Variants in PLCE1 observed in about 807,000 individuals in gnomAD.
PLCE1 encodes phospholipase C epsilon 1.
PLCE1 carries 119 observed loss-of-function variants against 242.8 expected under a neutral mutation model. The observed-to-expected ratio is 0.49, with a 90% CI of 0.42 to 0.57. The LOEUF is 0.57. Among genes scored for constraint, PLCE1 ranks in the 20% least tolerant of loss-of-function variants. The pLI is 0.00. For missense variants in PLCE1, 2,441 were observed against 2,788.8 expected (o/e 0.88, Z 2.81); for synonymous variants, 945 against 1,017.4 (o/e 0.93, Z 1.35).
At chr10:94,299,126 GGTCAGTGCC>G (rs2133545599) in intron 24 of PLCE1, among the ~76,000 whole-genome samples, 1 of 152,280 alleles carries the variant, frequency 6.6e-6, no homozygotes, top group African/African-American at 2.4e-5. Flanking sequence ...GGAGAATAAT[GGTCAGTGCC>G]CGAAGAGTAG....
Position 94,313,297 on chromosome 10 carries a change from T to A in PLCE1, c.6047T>A (p.Val2016Asp). The change falls in exon 28 of 33, where the codon GTC (valine) becomes GAC (aspartate). Residue 2016 changes from valine (V) to aspartate (D), a missense_variant. By Grantham distance (152) the Val-to-Asp change is radical. This residue lies in a region of PLCE1 where 1,004 missense variants were observed against 1,322.7 expected (regional missense o/e 0.76). Transcript: ENST00000371380. The stretch of plus-strand genomic sequence containing the variant: ...AGAAAATGTTTGCAGACTCACAGAG[T>A]CACGGTGCATGGGGTCCCAGGGCCA... ...EERKCLQTHR[V>D]TVHGVPGPEP... 6.2e-7 allele frequency: 1 copy of A among 1,614,108 alleles called. No individual in the cohort carries two copies. Among genetic ancestry groups the A allele is most frequent in the Non-Finnish European group, 8.5e-7 (1 of 1,179,978 alleles).
At position 94,246,617 on chromosome 10, in the gene PLCE1, A is replaced by T; in HGVS notation, c.3092A>T (p.Tyr1031Phe). ...QWLRKQYVSLYQEDGRYEGPT... is the reference protein window; with the variant it reads ...QWLRKQYVSLFQEDGRYEGPT... ...CTGCGGAAACAGTACGTCAGCCTTT[A>T]TCAGGTAAGGGGTGCAGCCATCCCT... Residue 1031 changes from tyrosine to phenylalanine, a missense_variant, in exon 8 of 33, where the codon TAT becomes TTT. This residue lies in a region of PLCE1 where 1,004 missense variants were observed against 1,322.7 expected (regional missense o/e 0.76). Transcript: ENST00000371380. The T allele has an allele frequency of 6.2e-7, 1 of 1,613,606 alleles. No homozygotes were observed. The highest frequency in any genetic ancestry group is 8.5e-7 in the Non-Finnish European group (1 of 1,179,804).
intron 2 of PLCE1, among the ~76,000 whole-genome samples, chr10:94,071,832 C>T (rs1271839317): frequency 1.3e-5 from 2 of 152,038 alleles, no homozygotes; most frequent in Non-Finnish European, 2.9e-5. Context: ...GCTCCCCTCC[C>T]CCTCTATTTG....
chr10:94,280,044 G>C, intron 20 of PLCE1, 133 bp downstream of exon 20: 2 of 938,862 alleles, frequency 2.1e-6, no homozygotes, highest in South Asian at 1.4e-5. Flanking sequence ...AGGAGTTTCT[G>C]AATTCAGTCA....
intron 2 of PLCE1, among the ~76,000 whole-genome samples, chr10:94,067,471 GC>G (rs2135055052): frequency 6.6e-6 from 1 of 152,232 alleles, no homozygotes; most frequent in South Asian, 2.1e-4. Flanking sequence ...CTTGTTAAAA[GC>G]CAGAGTTTTT....
At chr10:94,074,047 A>T (rs2044433058) in intron 2 of PLCE1, among the ~76,000 whole-genome samples, 1 of 152,140 alleles carries the variant, frequency 6.6e-6, no homozygotes, top group South Asian at 2.1e-4. Context: ...GACAAATACA[A>T]GTTTCAAGTG....
intron 3 of PLCE1, among the ~76,000 whole-genome samples, chr10:94,165,729 A>G (rs1415317550): frequency 6.6e-6 from 1 of 150,522 alleles, no homozygotes; most frequent in African/African-American, 2.5e-5. Context: ...TTTTTTTGAG[A>G]CGGTGTCTTG....
chr10:94,141,614 GAA>G lies in PLCE1; in HGVS notation c.1492+9157_1492+9158del. On this transcript the variant is annotated intron_variant, in intron 3 of 32. Coordinates refer to ENST00000371380, the MANE Select transcript of PLCE1 (RefSeq NM_016341.4). ...GGCTAAGGGAAGGCAAAGGGAAGGA[GAA>G]AGGAAGGCAGAAGGAGGAAAGAAAG... 4.2e-3 allele frequency among the ~76,000 whole-genome samples: 5 copies of G among 1,178 alleles called. 1 individual carries two copies. The East Asian group carries it at 0.054, about 13-fold the overall frequency. The allele number at this position is 1,178 out of a possible 152,430, so 0.8% of individuals were successfully genotyped here. A position where few individuals can be genotyped will look rare whatever the true frequency, so the allele number is the denominator to read the frequency against.
chr10:94,177,914 T>C (rs2048175174), intron 4 of PLCE1, among the ~76,000 whole-genome samples: 1 of 152,200 alleles, frequency 6.6e-6, no homozygotes, highest in Non-Finnish European at 1.5e-5. Flanking sequence ...CCCTCTTTCC[T>C]GAGAAGCACT....
chr10:94,055,055 T>G (rs2043866877), intron 2 of PLCE1, among the ~76,000 whole-genome samples: 1 of 143,344 alleles, frequency 7.0e-6, no homozygotes, highest in Admixed American at 6.9e-5. Flanking sequence ...AGTAACACAA[T>G]ACAAGGGCAA....
At chr10:94,145,829 T>C (rs1195522229) in intron 3 of PLCE1, among the ~76,000 whole-genome samples, 1 of 151,644 alleles carries the variant, frequency 6.6e-6, no homozygotes, top group African/African-American at 2.4e-5. Flanking sequence ...GAACTGGGAG[T>C]TGGGACAAAA....
chr10:94,177,331 GC>G (rs2136389201), intron 4 of PLCE1, among the ~76,000 whole-genome samples: 1 of 152,272 alleles, frequency 6.6e-6, no homozygotes, highest in Admixed American at 6.5e-5. Context: ...CCCTTCTCAT[GC>G]CCTATTAGAC....
intron 20 of PLCE1, chr10:94,283,481 A>G: frequency 5.8e-6 from 2 of 343,558 alleles, no homozygotes; most frequent in Admixed American, 4.1e-5. Context: ...GCACAGTTCC[A>G]ATCATCTGTA....
In PLCE1 at chr10:94,234,225, T is replaced by G. The variant is rs1167364270; in HGVS notation, c.2127T>G (p.Phe709Leu). ...AGGTGGTTCCATTCTGTGGGGTGTT[T>G]CTGAAGGAGCTCTGTGAAGTGCTTG... Reference protein sequence around the residue: ...GCKVVPFCGVFLKELCEVLDG... With the variant: ...GCKVVPFCGVLLKELCEVLDG... The change falls in exon 6 of 33, where the codon TTT becomes TTG. Residue 709 changes from phenylalanine to leucine, a missense_variant. By Grantham distance (22) the Phe-to-Leu change is conservative. Coordinates refer to ENST00000371380, the MANE Select transcript of PLCE1 (RefSeq NM_016341.4). 1 of 1,614,142 alleles carries G rather than the reference T, an allele frequency of 6.2e-7. No individual in the cohort carries two copies. Among genetic ancestry groups the G allele is most frequent in the Non-Finnish European group, 8.5e-7 (1 of 1,180,002 alleles).
intron 3 of PLCE1, among the ~76,000 whole-genome samples, chr10:94,162,984 C>G (rs1442292574): frequency 6.6e-6 from 1 of 152,276 alleles, no homozygotes; most frequent in Non-Finnish European, 1.5e-5. Flanking sequence ...GTTTCTTAAT[C>G]CTGAGTTCTA....
chr10:94,164,993 G>T (rs1590164096), intron 3 of PLCE1, among the ~76,000 whole-genome samples: 1 of 152,154 alleles, frequency 6.6e-6, no homozygotes, highest in African/African-American at 2.4e-5. Flanking sequence ...CTTTCCTCTG[G>T]AAGTTTTGTC....
At chr10:94,060,725 C>G (rs904119569) in intron 2 of PLCE1, among the ~76,000 whole-genome samples, 1 of 149,646 alleles carries the variant, frequency 6.7e-6, no homozygotes, top group African/African-American at 2.5e-5. Flanking sequence ...GACAGTCTCA[C>G]TCTGTCACTC....
At chr10:94,090,522 T>C (rs1294602425) in intron 2 of PLCE1, among the ~76,000 whole-genome samples, 1 of 152,192 alleles carries the variant, frequency 6.6e-6, no homozygotes, top group Non-Finnish European at 1.5e-5. Flanking sequence ...GCATTTGGCA[T>C]CTCTCCTTCC....
At chr10:94,327,750 A>G (rs2054083583) in intron 32 of PLCE1, among the ~76,000 whole-genome samples, 1 of 152,194 alleles carries the variant, frequency 6.6e-6, no homozygotes, top group African/African-American at 2.4e-5. Flanking sequence ...CAAACTTTCT[A>G]AAGAATGTGA....
Sources: gnomAD v4.1 joint callset for allele counts (sites outside exome capture counted in the v4.1 genomes callset) on GRCh38, gnomAD v4.1.1 for gene constraint, gnomAD v4.1.1 regional missense constraint, MANE v1.5 for transcripts, NCBI Gene and HGNC (gene_info 2026-07-23, HGNC 2026-07-21) for gene names.